TXNDC16: variants seen among roughly 807,000 people sequenced by gnomAD.
The protein encoded by TXNDC16 is thioredoxin domain-containing protein 16.
Under a neutral mutation model 85.6 loss-of-function variants are expected in TXNDC16, and 74 were observed. That is an observed-to-expected ratio of 0.86 (90% CI 0.72 to 1.05). TXNDC16 has a LOEUF of 1.05. TXNDC16 is among the 50% of genes least tolerant of loss of function. The pLI, the probability that TXNDC16 is intolerant of heterozygous loss-of-function variation, is 0.00. For missense variants in TXNDC16, 959 were observed against 947.0 expected (o/e 1.01, Z -0.17); for synonymous variants, 335 against 326.5 (o/e 1.03, Z -0.28).
chr14:52,482,136 T>TAC, intron 14 of TXNDC16, 94 bp downstream of exon 14: 1 of 1,191,162 alleles, frequency 8.4e-7, no homozygotes, highest in Non-Finnish European at 1.2e-6. Context: ...AACTGAAATT[T>TAC]TATGTGGTTT....
intron 9 of TXNDC16, among the ~76,000 whole-genome samples, chr14:52,491,386 C>T (rs999065175): frequency 7.6e-6 from 1 of 132,188 alleles, no homozygotes; most frequent in African/African-American, 2.9e-5. Context: ...TTTGTAGAGA[C>T]GAGGTCTCCC....
chr14:52,519,409 G>A, intron 6 of TXNDC16, 116 bp from the exon 7 acceptor site: 1 of 729,854 alleles, frequency 1.4e-6, no homozygotes, highest in East Asian at 2.7e-5. Flanking sequence ...TAAATTATCA[G>A]TAGTAATAAT....
intron 13 of TXNDC16, 40 bp from the exon 14 acceptor site, chr14:52,482,329 A>G (rs2036169107): frequency 4.6e-6 from 7 of 1,533,738 alleles, no homozygotes; most frequent in Non-Finnish European, 6.3e-6. Flanking sequence ...TTACATGTAT[A>G]TCTACAAAGC....
rs79160394 is a variant in TXNDC16 at position 52,432,870 on chromosome 14, G to A, written c.2195-283C>T. Reference sequence around the variant, plus strand: ...AAAAAAGGTCCATAATCTCAATGCCGATTAACCTTTGCTAAGGTTTTCAAA... The same window carrying A: ...AAAAAAGGTCCATAATCTCAATGCCAATTAACCTTTGCTAAGGTTTTCAAA... On this transcript the variant is annotated intron_variant, in intron 20 of 20. Coordinates refer to ENST00000281741, the MANE Select transcript of TXNDC16 (RefSeq NM_020784.3). Among the ~76,000 whole-genome samples the A allele has an allele frequency of 4.4e-3, 671 of 152,118 alleles. 5 individuals carry two copies. Among genetic ancestry groups the A allele is most frequent in the African/African-American group, 0.014 (568 of 41,506 alleles).
rs987529012 is a variant in TXNDC16 at position 52,454,528 on chromosome 14, G to A, written c.1842+796C>T. Among the ~76,000 whole-genome samples, 3 of 151,284 alleles carry A rather than the reference G, an allele frequency of 2.0e-5. No homozygotes were observed. The East Asian group carries it at 5.8e-4, about 29-fold the overall frequency. ...AAAAACTTTTTTTAAACCAGGCTGG[G>A]CACGGTGGCTTATGCCTGTAATCCC... is the stretch of plus-strand genomic sequence containing the variant. On this transcript the variant is annotated intron_variant, in intron 18 of 20. Transcript: ENST00000281741.
In TXNDC16 at chr14:52,482,854, G is replaced by C; in HGVS notation, c.1220C>G (p.Ala407Gly). The change falls in exon 13 of 21, where the codon GCT becomes GGT. Residue 407 changes from alanine (A) to glycine (G), a missense_variant. Transcript: ENST00000281741. Reference protein sequence around the residue: ...TEETFNATVMASDSIVLFYAG... With the variant: ...TEETFNATVMGSDSIVLFYAG... ...ATAGAAGAGTACTATGCTGTCAGAAGCCATCACTGTTGCATTAAATGTTTC... is the reference window on the plus strand; with the variant it reads ...ATAGAAGAGTACTATGCTGTCAGAACCCATCACTGTTGCATTAAATGTTTC... 1.2e-6 allele frequency: 2 copies of C among 1,611,934 alleles called. No individual in the cohort carries two copies. The highest frequency in any genetic ancestry group is 1.7e-6 in the Non-Finnish European group (2 of 1,179,280).
chr14:52,490,712 A>G, intron 10 of TXNDC16, 127 bp downstream of exon 10: 1 of 1,039,562 alleles, frequency 9.6e-7, no homozygotes, highest in Non-Finnish European at 1.4e-6. Flanking sequence ...CTCAGCAACT[A>G]GTTCTAACTA....
At chr14:52,510,465 T>C (rs1195399961) in intron 9 of TXNDC16, among the ~76,000 whole-genome samples, 1 of 152,164 alleles carries the variant, frequency 6.6e-6, no homozygotes, top group Non-Finnish European at 1.5e-5. Flanking sequence ...AAGTAGTACA[T>C]ACAATATGAC....
chr14:52,526,612 G>A (rs974024864), intron 6 of TXNDC16, among the ~76,000 whole-genome samples: 66 of 152,290 alleles, frequency 4.3e-4, no homozygotes, highest in African/African-American at 1.3e-3. Context: ...ACATATCTGT[G>A]ATACTGTAAA....
chr14:52,527,564 G>A (rs757775497), intron 6 of TXNDC16, among the ~76,000 whole-genome samples: 1 of 152,156 alleles, frequency 6.6e-6, no homozygotes, highest in African/African-American at 2.4e-5. Context: ...GGAAGAGTAA[G>A]TGTGCCAGCT....
intron 16 of TXNDC16, among the ~76,000 whole-genome samples, chr14:52,461,721 G>C (rs1226127359): frequency 6.6e-6 from 1 of 152,236 alleles, no homozygotes; most frequent in Non-Finnish European, 1.5e-5. Flanking sequence ...GCCAAGCAAG[G>C]AGGAACAAGG....
intron 14 of TXNDC16, among the ~76,000 whole-genome samples, chr14:52,477,739 A>G (rs1476668120): frequency 2.0e-5 from 3 of 152,194 alleles, no homozygotes; most frequent in South Asian, 2.1e-4. Flanking sequence ...GGAGACTTCA[A>G]TACTCCACTG....
intron 9 of TXNDC16, among the ~76,000 whole-genome samples, chr14:52,505,476 T>C (rs1485004965): frequency 6.6e-6 from 1 of 152,128 alleles, no homozygotes; most frequent in Non-Finnish European, 1.5e-5. Context: ...ACTGGGTACA[T>C]AACGAAATGA....
At chr14:52,441,358 C>A (rs1431226481) in intron 18 of TXNDC16, among the ~76,000 whole-genome samples, 1 of 152,034 alleles carries the variant, frequency 6.6e-6, no homozygotes, top group Non-Finnish European at 1.5e-5. Flanking sequence ...CCTGTAATCC[C>A]AGCACTTTGG....
intron 6 of TXNDC16, among the ~76,000 whole-genome samples, chr14:52,530,798 A>G (rs1405812451): frequency 6.7e-6 from 1 of 149,694 alleles, no homozygotes; most frequent in Non-Finnish European, 1.5e-5. Flanking sequence ...ATTCATTTAC[A>G]ATAGAAAAAA....
rs554577728 is a variant in TXNDC16 at position 52,523,732 on chromosome 14, AT to A, written c.393-4440del. Reference sequence around the variant, plus strand: ...CTTAGTCTTTTGTCATAAATTATATATTCTCCTAATAGCTTGCTTCTTATAA... The same window carrying A: ...CTTAGTCTTTTGTCATAAATTATATATCTCCTAATAGCTTGCTTCTTATAA... On this transcript the variant is annotated intron_variant, in intron 6 of 20. Transcript: ENST00000281741. 2.2e-3 allele frequency among the ~76,000 whole-genome samples: 340 copies of A among 152,318 alleles called. 2 individuals carry two copies. Among genetic ancestry groups the A allele is most frequent in the African/African-American group, 7.9e-3 (330 of 41,562 alleles).
At chr14:52,482,099 A>C in intron 14 of TXNDC16, 131 bp downstream of exon 14, 1 of 746,234 alleles carries the variant, frequency 1.3e-6, no homozygotes. Context: ...TGGTTCATTA[A>C]CTTAACCCTG....
chr14:52,506,625 C>A (rs1449766132), intron 9 of TXNDC16, among the ~76,000 whole-genome samples: 2 of 133,482 alleles, frequency 1.5e-5, no homozygotes, highest in African/African-American at 2.9e-5. Flanking sequence ...GGCGCAATCT[C>A]GGCTCACTGC....
In TXNDC16 at chr14:52,502,111, T is replaced by C. The variant is rs148946034; in HGVS notation, c.756+9129A>G. Among the ~76,000 whole-genome samples, 298 of 152,348 alleles carry C rather than the reference T, an allele frequency of 2.0e-3. 3 individuals carry two copies. Among genetic ancestry groups the C allele is most frequent in the African/African-American group, 7.0e-3 (289 of 41,576 alleles). ...TCAAGGTTTGAATTCTCAGCTTAGC[T>C]TTCCAATTTGGCTCTGATCTTCAAT... is the stretch of plus-strand genomic sequence containing the variant. On this transcript the variant is annotated intron_variant, in intron 9 of 20. Coordinates refer to ENST00000281741, the MANE Select transcript of TXNDC16 (RefSeq NM_020784.3).
Sources: allele counts gnomAD v4.1 joint callset (sites outside exome capture counted in the v4.1 genomes callset), GRCh38; gene constraint gnomAD v4.1.1; transcripts MANE v1.5; gene names NCBI Gene and HGNC (gene_info 2026-07-23, HGNC 2026-07-21).